ATP10B: variants seen among roughly 807,000 people sequenced by gnomAD.
ATP10B encodes the protein phospholipid-transporting ATPase VB.
Under a neutral mutation model 141.2 loss-of-function variants are expected in ATP10B, and 122 were observed. That is an observed-to-expected ratio of 0.86 (90% CI 0.75 to 1.00). The LOEUF is 1.00. ATP10B is among the 50% of genes least tolerant of loss of function. The probability of loss-of-function intolerance (pLI) is 0.00; values close to 1 mark genes in which losing one functional copy is unlikely to be tolerated. For synonymous variants in ATP10B, 685 were observed against 692.0 expected (o/e 0.99, Z 0.16); for missense variants, 1,876 against 1,825.3 (o/e 1.03, Z -0.51).
At chr5:160,609,841 C>G (rs920253828) in intron 18 of ATP10B, among the ~76,000 whole-genome samples, 1 of 152,204 alleles carries the variant, frequency 6.6e-6, no homozygotes, top group Non-Finnish European at 1.5e-5. Context: ...AGGCACTTAT[C>G]TGGAAAGAGA....
Position 160,775,154 on chromosome 5 carries a change from C to T in ATP10B, c.-331+10405G>A, listed in dbSNP as rs1402507541. On this transcript the variant is annotated intron_variant, in intron 2 of 25. Coordinates refer to ENST00000327245, the MANE Select transcript of ATP10B (RefSeq NM_025153.3). ...GTGGCCGTGTTTATCAGTCAGACCC[C>T]TGGGCTTTGCCCTGGCCTACGTCTC... is the stretch of plus-strand genomic sequence containing the variant. Among the ~76,000 whole-genome samples, 6 of 152,332 alleles carry T rather than the reference C, an allele frequency of 3.9e-5. No homozygotes were observed. The East Asian group carries it at 1.2e-3, about 29-fold the overall frequency.
chr5:160,642,714 T>A (rs1759966689), intron 9 of ATP10B, among the ~76,000 whole-genome samples: 1 of 152,262 alleles, frequency 6.6e-6, no homozygotes, highest in Non-Finnish European at 1.5e-5. Flanking sequence ...GCGGGCCTGA[T>A]GTATTCCAAC....
In ATP10B at chr5:160,686,576, TC is replaced by T. The variant is rs35771643; in HGVS notation, c.276-304del. On this transcript the variant is annotated intron_variant, in intron 5 of 25. Transcript: ENST00000327245. ...CCCAATTTGTAGTCTTTTATTCCTC[TC>T]CCCTTCTCACCCTTTCCCCCTAAGT... Among the ~76,000 whole-genome samples, 2 of 152,316 alleles carry T rather than the reference TC, an allele frequency of 1.3e-5. 1 individual carries two copies. Among genetic ancestry groups the T allele is most frequent in the Admixed American group, 1.3e-4 (2 of 15,292 alleles).
chr5:160,798,106 T>C (rs1772093433), intron 1 of ATP10B, among the ~76,000 whole-genome samples: 1 of 151,884 alleles, frequency 6.6e-6, no homozygotes, highest in African/African-American at 2.4e-5. Context: ...AGCCAAGAGC[T>C]GAGGAGGTTG....
chr5:160,823,035 T>A lies in ATP10B; in HGVS notation c.-576+28906A>T, dbSNP rs1048501765. On this transcript the variant is annotated intron_variant, in intron 1 of 25. Transcript: ENST00000327245. ...ATATATATATATATATATATATATA[T>A]AAAATAAAGAGTGTAATTGGATTGT... Among the ~76,000 whole-genome samples the A allele has an allele frequency of 8.2e-3, 911 of 111,648 alleles. 2 individuals are homozygous for A. The highest frequency in any genetic ancestry group is 0.014 in the Non-Finnish European group (729 of 52,000). The allele number at this position is 111,648 out of a possible 152,430, so 73.2% of individuals were successfully genotyped here. A position where few individuals can be genotyped will look rare whatever the true frequency, so the allele number is the denominator to read the frequency against.
At chr5:160,786,766 A>T (rs191479637) in intron 1 of ATP10B, among the ~76,000 whole-genome samples, 2 of 152,222 alleles carry the variant, frequency 1.3e-5, no homozygotes, top group East Asian at 3.9e-4. Flanking sequence ...ATGCACACAC[A>T]CATACTCTAT....
At chr5:160,826,123 GTGTATGTGTCTTTTTT>G (rs1395785500) in intron 1 of ATP10B, among the ~76,000 whole-genome samples, 1 of 152,168 alleles carries the variant, frequency 6.6e-6, no homozygotes, top group Non-Finnish European at 1.5e-5. Flanking sequence ...GAACATATGA[GTGTATGTGTCTTTTTT>G]TGTATAACTC....
intron 2 of ATP10B, among the ~76,000 whole-genome samples, chr5:160,743,343 G>A (rs565216936): frequency 3.3e-5 from 5 of 152,276 alleles, no homozygotes; most frequent in Non-Finnish European, 5.9e-5. Flanking sequence ...ACAGGAAAAC[G>A]ACAATTTAAA....
At chr5:160,756,629 C>A (rs187160963) in intron 2 of ATP10B, among the ~76,000 whole-genome samples, 10 of 151,856 alleles carry the variant, frequency 6.6e-5, no homozygotes, top group Non-Finnish European at 1.2e-4. Context: ...AACAATGTTG[C>A]GCTTTTCATG....
chr5:160,886,402 G>A, the ATP10B span, among the ~76,000 whole-genome samples: 1 of 152,174 alleles, frequency 6.6e-6, no homozygotes, highest in East Asian at 1.9e-4. Flanking sequence ...ATTTGGAGGT[G>A]GAATAAAGTA....
intron 10 of ATP10B, among the ~76,000 whole-genome samples, chr5:160,637,864 A>T (rs1759534585): frequency 6.6e-6 from 1 of 152,228 alleles, no homozygotes; most frequent in African/African-American, 2.4e-5. Flanking sequence ...ACTTACAGAC[A>T]TGAAGCTATT....
intron 2 of ATP10B, among the ~76,000 whole-genome samples, chr5:160,726,934 C>T (rs1202254779): frequency 6.6e-6 from 1 of 151,598 alleles, no homozygotes; most frequent in African/African-American, 2.4e-5. Context: ...GACCTGGAAG[C>T]CCCCGGGGGT....
intron 21 of ATP10B, 131 bp from the exon 22 acceptor site, chr5:160,599,101 G>A: frequency 1.4e-6 from 1 of 710,350 alleles, no homozygotes. Flanking sequence ...ATGTAAGGAT[G>A]AGAGAGAATT....
At chr5:160,628,067 C>T (rs1758702648) in intron 13 of ATP10B, among the ~76,000 whole-genome samples, 1 of 152,240 alleles carries the variant, frequency 6.6e-6, no homozygotes, top group East Asian at 1.9e-4. Flanking sequence ...TGGTTTTGTC[C>T]TGTCTAAGGC....
the ATP10B span, among the ~76,000 whole-genome samples, chr5:160,921,871 G>A: frequency 2.6e-5 from 4 of 152,118 alleles, no homozygotes; most frequent in African/African-American, 9.7e-5. Flanking sequence ...ACTTATACCC[G>A]CAGGCAGCCT....
chr5:160,837,361 T>C lies in ATP10B; in HGVS notation c.-576+14580A>G, dbSNP rs184280571. Among the ~76,000 whole-genome samples, 5 of 152,312 alleles carry C rather than the reference T, an allele frequency of 3.3e-5. No homozygotes were observed. In the East Asian group the frequency reaches 9.6e-4, roughly 29 times the overall value. On this transcript the variant is annotated intron_variant, in intron 1 of 25. Coordinates refer to ENST00000327245, the MANE Select transcript of ATP10B (RefSeq NM_025153.3). Reference sequence around the variant, plus strand: ...CTTGAGGTCAAGGGATATATTTAATTCCTCTTAGTACCTGGCATAGTGCCA... The same window carrying C: ...CTTGAGGTCAAGGGATATATTTAATCCCTCTTAGTACCTGGCATAGTGCCA...
chr5:160,652,198 C>T (rs1027159293), intron 7 of ATP10B, among the ~76,000 whole-genome samples: 3 of 152,028 alleles, frequency 2.0e-5, no homozygotes, highest in Non-Finnish European at 2.9e-5. Flanking sequence ...TCCCCATCTT[C>T]CTCTTTTCAT....
chr5:160,683,040 C>CAA (rs35571529), intron 6 of ATP10B, among the ~76,000 whole-genome samples: 1 of 66,976 alleles, frequency 1.5e-5, no homozygotes, highest in Non-Finnish European at 2.8e-5. Context: ...CTCTGTCCCC[C>CAA]AAAAAAAAAA....
intron 15 of ATP10B, among the ~76,000 whole-genome samples, chr5:160,619,350 C>A (rs1427778175): frequency 6.6e-6 from 1 of 152,164 alleles, no homozygotes; most frequent in African/African-American, 2.4e-5. Context: ...TTGAAGGCAT[C>A]TCTAATCCAT....
Sources: allele counts gnomAD v4.1 joint callset (sites outside exome capture counted in the v4.1 genomes callset), GRCh38; gene constraint gnomAD v4.1.1; transcripts MANE v1.5; gene names NCBI Gene and HGNC (gene_info 2026-07-23, HGNC 2026-07-21).